AHCYL1: variants seen among roughly 807,000 people sequenced by gnomAD.
AHCYL1 encodes the protein S-adenosylhomocysteine hydrolase-like protein 1.
A neutral mutation model predicts 79.3 loss-of-function variants in AHCYL1; 20 were observed. That is an observed-to-expected ratio of 0.25 (90% confidence interval 0.18 to 0.37). The LOEUF is 0.37. AHCYL1 is among the 10% of genes least tolerant of loss of function. AHCYL1 has a pLI of 1.00. For missense variants in AHCYL1, 330 were observed against 673.6 expected (o/e 0.49, Z 5.65); for synonymous variants, 223 against 242.2 (o/e 0.92, Z 0.74).
chr1:109,991,522 A>G (rs1649758570), intron 1 of AHCYL1, among the ~76,000 whole-genome samples: 1 of 152,190 alleles, frequency 6.6e-6, no homozygotes, highest in Non-Finnish European at 1.5e-5. Context: ...GGGGTCTGGG[A>G]CTGCTCTCTG....
intron 1 of AHCYL1, 95 bp from the exon 2 acceptor site, chr1:110,008,939 A>G (rs1210785094): frequency 3.2e-6 from 3 of 947,578 alleles, no homozygotes; most frequent in African/African-American, 3.3e-5. Flanking sequence ...ATGTGATTAC[A>G]TGGCTTTTAG....
At chr1:110,009,279 C>A in intron 2 of AHCYL1, 134 bp downstream of exon 2, 1 of 726,574 alleles carries the variant, frequency 1.4e-6, no homozygotes, top group Non-Finnish European at 2.2e-6. Context: ...AGTGGCTGGG[C>A]AGTGGGAATG....
At chr1:109,997,015 A>G (rs1309775410) in intron 1 of AHCYL1, among the ~76,000 whole-genome samples, 1 of 152,234 alleles carries the variant, frequency 6.6e-6, no homozygotes, top group Non-Finnish European at 1.5e-5. Flanking sequence ...CTGTACAGCC[A>G]AAGCAGTATG....
intron 4 of AHCYL1, 128 bp downstream of exon 4, chr1:110,012,590 A>G (rs1464629266): frequency 1.3e-6 from 1 of 776,164 alleles, no homozygotes; most frequent in African/African-American, 1.8e-5. Flanking sequence ...TCTCCCTGTT[A>G]CACAATAATG....
chr1:110,020,481 C>T (rs898879446), intron 15 of AHCYL1, among the ~76,000 whole-genome samples: 37 of 152,174 alleles, frequency 2.4e-4, no homozygotes, highest in Non-Finnish European at 4.4e-4. Context: ...TAAAAGCCCA[C>T]TCCCTTTTGT....
chr1:110,017,567 T>G lies in AHCYL1; in HGVS notation c.1036T>G (p.Cys346Gly). ...CTACATTACCGAAATCGACCCCATC[T>G]GTGCTCTGCAGGCCTGGTAAGAACA... ...IVYITEIDPI[C>G]ALQACMDGFR... The change falls in exon 10 of 17, where the codon TGT becomes GGT. Residue 346 changes from cysteine (C) to glycine (G), a missense_variant. Physicochemically the swap from Cys to Gly is radical, Grantham distance 159. Coordinates refer to ENST00000369799, the MANE Select transcript of AHCYL1 (RefSeq NM_006621.7). 2 of 1,614,152 alleles carry G rather than the reference T, an allele frequency of 1.2e-6. No homozygotes were observed. Among genetic ancestry groups the G allele is most frequent in the Non-Finnish European group, 1.7e-6 (2 of 1,180,004 alleles).
At chr1:110,001,436 T>C (rs1250400434) in intron 1 of AHCYL1, among the ~76,000 whole-genome samples, 1 of 152,210 alleles carries the variant, frequency 6.6e-6, no homozygotes, top group African/African-American at 2.4e-5. Context: ...TCCACCCTGC[T>C]CGACCTCCCA....
In AHCYL1 at chr1:110,023,180, C is replaced by T. The variant is rs1651902695; in HGVS notation, c.*1500C>T. On this transcript the variant is annotated 3_prime_UTR_variant, in exon 17 of 17. Coordinates refer to ENST00000369799, the MANE Select transcript of AHCYL1 (RefSeq NM_006621.7). The stretch of plus-strand genomic sequence containing the variant: ...TAGAAATTTTCACTTTTCCACTGAT[C>T]AGAGAGACAGACATTAAAAACAAAA... 1 of 152,722 alleles carries T rather than the reference C, an allele frequency of 6.5e-6. No individual in the cohort carries two copies. The highest frequency in any genetic ancestry group is 1.9e-4 in the East Asian group (1 of 5,184). 9.5% of individuals were successfully genotyped at this position (152,722 alleles called of 1,614,324 possible). A position where few individuals can be genotyped will look rare whatever the true frequency, so the allele number is the denominator to read the frequency against.
intron 2 of AHCYL1, 72 bp from the exon 3 acceptor site, chr1:110,011,142 G>T: frequency 6.4e-7 from 1 of 1,558,590 alleles, no homozygotes; most frequent in East Asian, 2.3e-5. Context: ...AAAGTCCCTT[G>T]GGGACTGCAC....
At chr1:109,985,976 C>T (rs779219785) in intron 1 of AHCYL1, among the ~76,000 whole-genome samples, 8 of 152,200 alleles carry the variant, frequency 5.3e-5, no homozygotes, top group Non-Finnish European at 8.8e-5. Context: ...CGAATTCTCT[C>T]ATAAATGGCA....
At chr1:110,020,970 G>C in intron 16 of AHCYL1, 119 bp downstream of exon 16, 1 of 1,441,728 alleles carries the variant, frequency 6.9e-7, no homozygotes, top group Non-Finnish European at 9.2e-7. Context: ...CAAGAAATCT[G>C]TTCCAGGCCA....
At chr1:110,020,993 C>T (rs886961637) in intron 16 of AHCYL1, 142 bp downstream of exon 16, 3 of 1,279,242 alleles carry the variant, frequency 2.3e-6, no homozygotes, top group Admixed American at 2.9e-5. Context: ...CACGGTGGCT[C>T]ACGCCTGTAA....
chr1:110,019,228 T>G, intron 14 of AHCYL1, 109 bp downstream of exon 14: 5 of 1,156,964 alleles, frequency 4.3e-6, no homozygotes, highest in Non-Finnish European at 5.1e-6. Flanking sequence ...TATTCTTTTT[T>G]GATGTAATAA....
rs185856052 is a variant in AHCYL1, at chr1:110,022,892, C to T, written c.*1212C>T. 514 of 152,552 alleles carry T rather than the reference C, an allele frequency of 3.4e-3. 5 individuals are homozygous for T. The South Asian group carries it at 0.042, about 13-fold the overall frequency. The allele number at this position is 152,552 out of a possible 1,614,324, so 9.4% of individuals were successfully genotyped here. ...CTACATACCACAAAGAGTTTATGAA[C>T]TGAGATCATAAAGGGCAACTGATGT... On this transcript the variant is annotated 3_prime_UTR_variant, in exon 17 of 17. Transcript: ENST00000369799.
At position 110,019,438 on chromosome 1, in the gene AHCYL1, T is replaced by A. The variant is rs80023187; in HGVS notation, c.1387-110T>A. On this transcript the variant is annotated intron_variant, in intron 14 of 16. Transcript: ENST00000369799. ...TAGGCAAAGTCCTAGGTACTGTGACTGTGGTAGATCACTGTAGTACTTACC... is the reference window on the plus strand; with the variant it reads ...TAGGCAAAGTCCTAGGTACTGTGACAGTGGTAGATCACTGTAGTACTTACC... The A allele has an allele frequency of 1.9e-3, 1,799 of 936,178 alleles. 32 individuals carry two copies. In the African/African-American group the frequency reaches 0.026, roughly 14 times the overall value. 58.0% of individuals were successfully genotyped at this position (936,178 alleles called of 1,614,324 possible).
rs1345373828 is a variant in AHCYL1, at chr1:110,021,726, A to G, written c.*46A>G. 4 of 1,578,134 alleles carry G rather than the reference A, an allele frequency of 2.5e-6. No individual in the cohort carries two copies. Among genetic ancestry groups the G allele is most frequent in the East Asian group, 4.5e-5 (2 of 44,344 alleles). On this transcript the variant is annotated 3_prime_UTR_variant, in exon 17 of 17. Transcript: ENST00000369799. ...CAGTCCACCTGAACCACACACTCTA[A>G]AGAAATATTTTTTAAGATAACTTTT...
chr1:110,000,876 T>G, intron 1 of AHCYL1: 2 of 820,756 alleles, frequency 2.4e-6, no homozygotes, highest in Non-Finnish European at 2.9e-6. Flanking sequence ...GAAAGGATTC[T>G]AGAATGTTTT....
At position 110,021,818 on chromosome 1, in the gene AHCYL1, T is replaced by C; in HGVS notation, c.*138T>C. ...TTTCATTCTTGTTTTTTCATCTCATTATCCAAGTTCTGCAGACCACACAGG... is the reference window on the plus strand; with the variant it reads ...TTTCATTCTTGTTTTTTCATCTCATCATCCAAGTTCTGCAGACCACACAGG... On this transcript the variant is annotated 3_prime_UTR_variant, in exon 17 of 17. Transcript: ENST00000369799. 1.1e-6 allele frequency: 1 copy of C among 946,392 alleles called. No homozygotes were observed. The highest frequency in any genetic ancestry group is 1.6e-6 in the Non-Finnish European group (1 of 641,878). 58.6% of individuals were successfully genotyped at this position (946,392 alleles called of 1,614,324 possible). A position where few individuals can be genotyped will look rare whatever the true frequency, so the allele number is the denominator to read the frequency against.
At chr1:110,003,868 G>A in intron 1 of AHCYL1, 1 of 951,578 alleles carries the variant, frequency 1.1e-6, no homozygotes, top group South Asian at 4.9e-5. Flanking sequence ...TTTACTTCTA[G>A]TTGGCAGTTG....
Sources: gnomAD v4.1 joint callset for allele counts (sites outside exome capture counted in the v4.1 genomes callset) on GRCh38, gnomAD v4.1.1 for gene constraint, MANE v1.5 for transcripts, NCBI Gene and HGNC (gene_info 2026-07-23, HGNC 2026-07-21) for gene names.